The following SLC26A4 variants were observed in gnomAD, a reference collection of about 807,000 sequenced individuals.
The protein encoded by SLC26A4 is pendrin.
Under a neutral mutation model 90.4 loss-of-function variants are expected in SLC26A4, and 93 were observed. The observed-to-expected ratio is 1.03, with a 90% CI of 0.87 to 1.22. The LOEUF is 1.22. Ranked by LOEUF, SLC26A4 falls within the 50% of genes most tolerant of loss-of-function variation. SLC26A4 has a pLI of 0.00. For synonymous variants in SLC26A4, 393 were observed against 354.6 expected (o/e 1.11, Z -1.22); for missense variants, 1,127 against 946.2 (o/e 1.19, Z -2.51).
chr7:107,698,918 G>A (rs973477072), intron 14 of SLC26A4, among the ~76,000 whole-genome samples: 1 of 152,044 alleles, frequency 6.6e-6, no homozygotes, highest in African/African-American at 2.4e-5. Context: ...GCTTAGTGGT[G>A]ACTAGGGGAA....
intron 8 of SLC26A4, among the ~76,000 whole-genome samples, chr7:107,685,075 G>A (rs1296862250): frequency 6.6e-6 from 1 of 152,100 alleles, no homozygotes; most frequent in South Asian, 2.1e-4. Flanking sequence ...CAGACCACCT[G>A]GTCAGCTTGG....
chr7:107,703,076 A>G (rs992990555), intron 17 of SLC26A4, among the ~76,000 whole-genome samples: 4 of 152,232 alleles, frequency 2.6e-5, no homozygotes, highest in Non-Finnish European at 5.9e-5. Context: ...GCACTCTGCC[A>G]GGCACAAGAG....
At chr7:107,662,373 G>T (rs758674720) in intron 2 of SLC26A4, among the ~76,000 whole-genome samples, 2 of 152,106 alleles carry the variant, frequency 1.3e-5, no homozygotes, top group Non-Finnish European at 2.9e-5. Flanking sequence ...CAAACATAAA[G>T]AAATTAGAGT....
At chr7:107,702,863 G>A (rs1019259297) in intron 17 of SLC26A4, among the ~76,000 whole-genome samples, 4 of 152,166 alleles carry the variant, frequency 2.6e-5, no homozygotes, top group African/African-American at 9.7e-5. Flanking sequence ...ACAGGATAAG[G>A]AATACCAGGT....
chr7:107,689,981 A>G, intron 9 of SLC26A4, 143 bp from the exon 10 acceptor site: 1 of 711,332 alleles, frequency 1.4e-6, no homozygotes, highest in Non-Finnish European at 2.6e-6. Context: ...GACCCCAAGT[A>G]CCTATCACGG....
chr7:107,662,977 T>C (rs1023637434), intron 2 of SLC26A4, among the ~76,000 whole-genome samples: 1 of 152,208 alleles, frequency 6.6e-6, no homozygotes, highest in African/African-American at 2.4e-5. Flanking sequence ...AATCTCCATT[T>C]AGAGACTCCA....
In SLC26A4 at chr7:107,683,364, A is replaced by C. The variant is rs1183901568; in HGVS notation, c.918+10A>C. On this transcript the variant is annotated intron_variant, in intron 7 of 20. Transcript: ENST00000644269. ...TATAGAAGTAATTGTGGTAAGTAGA[A>C]TATGTAGTTAGAAAGTTCAGCATTA... 2 of 1,613,050 alleles carry C rather than the reference A, an allele frequency of 1.2e-6. No individual in the cohort carries two copies. Among genetic ancestry groups the C allele is most frequent in the Admixed American group, 1.7e-5 (1 of 59,992 alleles).
rs141491714 is a variant in SLC26A4, at chr7:107,707,793, T to C, written c.2090-2261T>C. Among the ~76,000 whole-genome samples, 55 of 152,324 alleles carry C rather than the reference T, an allele frequency of 3.6e-4. No individual in the cohort carries two copies. In the East Asian group the frequency reaches 0.01, roughly 28 times the overall value. ...AGATAAGGCCATTTGGTTTAACATC[T>C]CTCTTTTACAGATTCTTTAAGAAAT... On this transcript the variant is annotated intron_variant, in intron 18 of 20. Transcript: ENST00000644269.
intron 12 of SLC26A4, 127 bp from the exon 13 acceptor site, chr7:107,695,806 C>G: frequency 1.4e-6 from 1 of 696,676 alleles, no homozygotes; most frequent in Non-Finnish European, 2.6e-6. Flanking sequence ...GAGTGTGACC[C>G]TATCTCAAAA....
intron 6 of SLC26A4, among the ~76,000 whole-genome samples, chr7:107,675,533 A>G (rs1179103875): frequency 3.3e-4 from 4 of 12,302 alleles, no homozygotes; most frequent in Non-Finnish European, 7.6e-4. Context: ...AAAACAAAAC[A>G]AAACTTGAGT....
rs1057516678 is a variant in SLC26A4 at position 107,674,963 on chromosome 7, C to T, written c.619C>T (p.Gln207Ter). ...GIIQLIFGGL[Q>*]IGFIVRYLAD... ...ATCGTAGTTGATATTTGGTGGCTTG[C>T]AGATTGGATTCATAGTGAGGTACTT... Residue 207 changes from glutamine (Q) to a stop codon, truncating the protein, a stop_gained, in exon 6 of 21, where the codon CAG (glutamine) becomes TAG (stop). Coordinates refer to ENST00000644269, the MANE Select transcript of SLC26A4 (RefSeq NM_000441.2). LOFTEE classifies it high-confidence loss of function. 3 of 1,614,034 alleles carry T rather than the reference C, an allele frequency of 1.9e-6. No individual in the cohort carries two copies. The highest frequency in any genetic ancestry group is 3.3e-5 in the Admixed American group (2 of 60,014).
At chr7:107,686,204 T>C (rs1216155027) in intron 8 of SLC26A4, among the ~76,000 whole-genome samples, 1 of 151,938 alleles carries the variant, frequency 6.6e-6, no homozygotes, top group Non-Finnish European at 1.5e-5. Flanking sequence ...TCTTCGTCAG[T>C]TCCAGAGGTC....
At chr7:107,707,485 G>A (rs912186959) in intron 18 of SLC26A4, among the ~76,000 whole-genome samples, 2 of 152,126 alleles carry the variant, frequency 1.3e-5, no homozygotes, top group African/African-American at 4.8e-5. Flanking sequence ...AAAAGTATCA[G>A]AACAAAACAA....
Position 107,694,615 on chromosome 7 carries a change from T to C in SLC26A4, c.1342-6T>C, listed in dbSNP as rs780173327. 33 of 1,608,032 alleles carry C rather than the reference T, an allele frequency of 2.1e-5. No homozygotes were observed. Among genetic ancestry groups the C allele is most frequent in the Non-Finnish European group, 2.6e-5 (31 of 1,174,466 alleles). ...ATAACACAGCCTTCTCTGTCTCTCT[T>C]GGCAGTCGGTCTTGGCAGCTGTTGT... On this transcript the variant is annotated splice_polypyrimidine_tract_variant and splice_region_variant and intron_variant, in intron 11 of 20. Coordinates refer to ENST00000644269, the MANE Select transcript of SLC26A4 (RefSeq NM_000441.2).
At chr7:107,705,034 G>A (rs1421368435) in intron 18 of SLC26A4, among the ~76,000 whole-genome samples, 3 of 152,134 alleles carry the variant, frequency 2.0e-5, no homozygotes, top group Non-Finnish European at 4.4e-5. Flanking sequence ...GATGGGCACA[G>A]CTGCTTGGCC....
intron 3 of SLC26A4, among the ~76,000 whole-genome samples, chr7:107,671,917 T>C (rs1176036870): frequency 6.6e-6 from 1 of 152,258 alleles, no homozygotes; most frequent in Non-Finnish European, 1.5e-5. Flanking sequence ...AAGCCTATTT[T>C]ATAATAAAGT....
intron 19 of SLC26A4, 42 bp from the exon 20 acceptor site, chr7:107,712,497 G>A: frequency 1.0e-6 from 1 of 987,998 alleles, no homozygotes; most frequent in Non-Finnish European, 1.6e-6. Context: ...CATCAGGTGG[G>A]TTGATGCTAT....
chr7:107,684,106 A>G (rs1791330249), intron 8 of SLC26A4, among the ~76,000 whole-genome samples: 1 of 152,204 alleles, frequency 6.6e-6, no homozygotes, highest in Admixed American at 6.5e-5. Context: ...TCTCCTATAT[A>G]AGACAAGGAT....
rs534423856 is a variant in SLC26A4, at chr7:107,675,190, G to A, written c.765+81G>A. 5 of 1,405,606 alleles carry A rather than the reference G, an allele frequency of 3.6e-6. No homozygotes were observed. In the African/African-American group the frequency reaches 5.7e-5, roughly 16 times the overall value. 87.1% of individuals were successfully genotyped at this position (1,405,606 alleles called of 1,614,324 possible). A position where few individuals can be genotyped will look rare whatever the true frequency, so the allele number is the denominator to read the frequency against. On this transcript the variant is annotated intron_variant, in intron 6 of 20. Transcript: ENST00000644269. Reference sequence around the variant, plus strand: ...TATTCATTCTCTGAGTCTGGGCCAGGCGTGGTGGCTCACACCTGTAATCCC... The same window carrying A: ...TATTCATTCTCTGAGTCTGGGCCAGACGTGGTGGCTCACACCTGTAATCCC...
Sources: gnomAD v4.1 joint callset for allele counts (sites outside exome capture counted in the v4.1 genomes callset) on GRCh38, gnomAD v4.1.1 for gene constraint, MANE v1.5 for transcripts, NCBI Gene and HGNC (gene_info 2026-07-23, HGNC 2026-07-21) for gene names.